RNLS: variants seen among roughly 807,000 people sequenced by gnomAD.
RNLS encodes renalase.
Under a neutral mutation model 39.8 loss-of-function variants are expected in RNLS, and 39 were observed. The ratio of observed to expected loss-of-function variants is 0.98; its 90% CI spans 0.76 to 1.28. RNLS has a LOEUF of 1.28. Ranked by LOEUF, RNLS falls within the 50% of genes most tolerant of loss-of-function variation. The pLI is 0.00. For synonymous variants in RNLS, 147 were observed against 150.7 expected, an observed-to-expected ratio of 0.98 and a Z score of 0.18; for missense variants, 410 against 413.3, an observed-to-expected ratio of 0.99 and a Z score of 0.07.
chr10:88,253,472 G>T, the RNLS span, among the ~76,000 whole-genome samples: 1 of 152,208 alleles, frequency 6.6e-6, no homozygotes, highest in Non-Finnish European at 1.5e-5. Context: ...GGACACAGAG[G>T]CTGCTGGGGT....
intron 4 of RNLS, among the ~76,000 whole-genome samples, chr10:88,413,041 A>G (rs2133711682): frequency 6.6e-6 from 1 of 152,302 alleles, no homozygotes; most frequent in African/African-American, 2.4e-5. Context: ...GCTCCCTTAA[A>G]AGTGGGAGAG....
At chr10:88,326,483 A>G (rs1190722448) in intron 5 of RNLS, among the ~76,000 whole-genome samples, 2 of 152,214 alleles carry the variant, frequency 1.3e-5, no homozygotes, top group Non-Finnish European at 2.9e-5. Flanking sequence ...GAGATGACTT[A>G]AGGCATCTGG....
the RNLS span, among the ~76,000 whole-genome samples, chr10:88,221,391 T>G: frequency 8.5e-5 from 13 of 152,248 alleles, no homozygotes; most frequent in Non-Finnish European, 1.6e-4. Context: ...TGTCGTCTTT[T>G]CTTTTTTCTA....
At chr10:88,199,248 A>G in the RNLS span, among the ~76,000 whole-genome samples, 2 of 152,232 alleles carry the variant, frequency 1.3e-5, no homozygotes, top group Non-Finnish European at 2.9e-5. Context: ...GGAAACATCT[A>G]GATAGATTTA....
rs527867975 is a variant in RNLS at position 88,341,070 on chromosome 10, A to C, written c.700+21482T>G. Reference sequence around the variant, plus strand: ...CAAGATTCTGTCTCAAAAAAAAAAAAACAAAAAACAGCAATTTGGGAGGCC... The same window carrying C: ...CAAGATTCTGTCTCAAAAAAAAAAACACAAAAAACAGCAATTTGGGAGGCC... On this transcript the variant is annotated intron_variant, in intron 5 of 6. Transcript: ENST00000331772. Among the ~76,000 whole-genome samples the C allele has an allele frequency of 2.0e-3, 292 of 149,674 alleles. 11 individuals carry two copies. Among genetic ancestry groups the C allele is most frequent in the Admixed American group, 0.019 (281 of 15,022 alleles).
intron 4 of RNLS, among the ~76,000 whole-genome samples, chr10:88,568,874 C>G (rs958519874): frequency 2.6e-5 from 4 of 152,188 alleles, no homozygotes; most frequent in African/African-American, 7.2e-5. Context: ...ATAATTCTCA[C>G]AGTGCGGCTT....
chr10:88,212,559 G>A, the RNLS span, among the ~76,000 whole-genome samples: 1 of 152,138 alleles, frequency 6.6e-6, no homozygotes, highest in Non-Finnish European at 1.5e-5. Flanking sequence ...TTATGCCGTA[G>A]GCACTATTCT....
At chr10:88,244,801 G>A in the RNLS span, among the ~76,000 whole-genome samples, 5 of 151,186 alleles carry the variant, frequency 3.3e-5, no homozygotes, top group Non-Finnish European at 7.4e-5. Flanking sequence ...AGTTTATTTT[G>A]AGGACAAGCC....
chr10:88,289,643 C>T (rs1451353013), intron 6 of RNLS, among the ~76,000 whole-genome samples: 6 of 152,152 alleles, frequency 3.9e-5, no homozygotes, highest in Admixed American at 3.9e-4. Flanking sequence ...CTCTGACTCA[C>T]TGATCTTTGT....
intron 4 of RNLS, among the ~76,000 whole-genome samples, chr10:88,500,148 T>C (rs1845394927): frequency 6.6e-6 from 1 of 152,138 alleles, no homozygotes. Flanking sequence ...ACGGAAGTTC[T>C]GAATAACGAG....
At chr10:88,235,735 C>A in the RNLS span, among the ~76,000 whole-genome samples, 1 of 151,976 alleles carries the variant, frequency 6.6e-6, no homozygotes, top group African/African-American at 2.4e-5. Flanking sequence ...CTAATATGGA[C>A]AAATATATAG....
intron 4 of RNLS, among the ~76,000 whole-genome samples, chr10:88,475,126 A>G (rs1336340072): frequency 6.6e-6 from 1 of 152,162 alleles, no homozygotes; most frequent in Non-Finnish European, 1.5e-5. Context: ...TTGGGCACAC[A>G]GGGCGACAGG....
chr10:88,538,168 C>T (rs1249778665), intron 4 of RNLS, among the ~76,000 whole-genome samples: 1 of 152,132 alleles, frequency 6.6e-6, no homozygotes, highest in East Asian at 1.9e-4. Context: ...ATTTGTGATT[C>T]CGAATGAAAG....
chr10:88,184,803 A>G, the RNLS span, among the ~76,000 whole-genome samples: 1 of 152,160 alleles, frequency 6.6e-6, no homozygotes, highest in South Asian at 2.1e-4. Context: ...GCTTTGCTGC[A>G]ACCATAAATC....
chr10:88,263,931 T>C, the RNLS span, among the ~76,000 whole-genome samples: 2 of 152,186 alleles, frequency 1.3e-5, no homozygotes, highest in East Asian at 1.9e-4. Context: ...CCAAGCAGTA[T>C]ACACTGTACC....
intron 4 of RNLS, among the ~76,000 whole-genome samples, chr10:88,513,588 A>G (rs1443230430): frequency 2.6e-5 from 4 of 152,122 alleles, no homozygotes; most frequent in Admixed American, 6.6e-5. Flanking sequence ...TAAGTTGCAG[A>G]TATCACTACA....
chr10:88,530,055 A>T (rs918531215), intron 4 of RNLS, among the ~76,000 whole-genome samples: 4 of 152,232 alleles, frequency 2.6e-5, no homozygotes, highest in Admixed American at 2.0e-4. Context: ...TCCAGGCAAC[A>T]TTACTAATGA....
intron 4 of RNLS, among the ~76,000 whole-genome samples, chr10:88,430,659 C>T (rs538756279): frequency 1.3e-5 from 2 of 151,866 alleles, no homozygotes; most frequent in South Asian, 2.1e-4. Context: ...AAGTTCCCTT[C>T]TATTCCTGGT....
At position 88,285,235 on chromosome 10, in the gene RNLS, A is replaced by G. The variant is rs1054310803; in HGVS notation, c.*119T>C. On this transcript the variant is annotated 3_prime_UTR_variant, in exon 7 of 7. Transcript: ENST00000331772. ...TTTATACTCCACATGAAAAATGATA[A>G]TAAGTGAAGAACAATTTTCCAGTAA... 137 of 1,395,620 alleles carry G rather than the reference A, an allele frequency of 9.8e-5. No homozygotes were observed. Among genetic ancestry groups the G allele is most frequent in the Non-Finnish European group, 1.6e-5 (17 of 1,072,562 alleles). 86.5% of individuals were successfully genotyped at this position (1,395,620 alleles called of 1,614,324 possible). A position where few individuals can be genotyped will look rare whatever the true frequency, so the allele number is the denominator to read the frequency against.
Sources: allele counts gnomAD v4.1 joint callset (sites outside exome capture counted in the v4.1 genomes callset), GRCh38; gene constraint gnomAD v4.1.1; transcripts MANE v1.5; gene names NCBI Gene and HGNC (gene_info 2026-07-23, HGNC 2026-07-21).